The following KCNMA1 variants were observed in gnomAD, a reference collection of about 807,000 sequenced individuals.
KCNMA1 encodes the protein Calcium-activated potassium channel subunit alpha-1.
Under a neutral mutation model 140.0 loss-of-function variants are expected in KCNMA1, and 29 were observed. That is an observed-to-expected ratio of 0.21 (90% CI 0.15 to 0.28). The LOEUF (loss-of-function observed/expected upper bound fraction) is 0.28. Among genes scored for constraint, KCNMA1 ranks in the 10% least tolerant of loss-of-function variants. The pLI is 1.00. For missense variants in KCNMA1, 880 were observed against 1,602.2 expected, an observed-to-expected ratio of 0.55 and a Z score of 7.70; for synonymous variants, 612 against 611.9, an observed-to-expected ratio of 1.00 and a Z score of 0.00.
intron 1 of KCNMA1, among the ~76,000 whole-genome samples, chr10:77,627,402 C>T (rs1038454869): frequency 2.0e-5 from 3 of 152,120 alleles, no homozygotes; most frequent in African/African-American, 7.2e-5. Context: ...CAGTCAAAAG[C>T]CTCCAGTCAC....
intron 1 of KCNMA1, among the ~76,000 whole-genome samples, chr10:77,623,704 A>G (rs2091964707): frequency 6.9e-6 from 1 of 145,954 alleles, no homozygotes; most frequent in African/African-American, 2.6e-5. Flanking sequence ...CTCCGTCTCA[A>G]AAAAAAAAAA....
chr10:76,872,637 A>T (rs1288181311), downstream of KCNMA1: 1 of 152,154 alleles, frequency 6.6e-6, no homozygotes, highest in African/African-American at 2.4e-5. Context: ...ACATTCCTAC[A>T]AATACATCAT....
intron 9 of KCNMA1, among the ~76,000 whole-genome samples, chr10:77,102,621 T>G (rs2097125645): frequency 6.6e-6 from 1 of 152,208 alleles, no homozygotes; most frequent in African/African-American, 2.4e-5. Flanking sequence ...CAAGTGGGGC[T>G]TGCATAACCT....
At chr10:77,343,144 G>A (rs369646178) in intron 2 of KCNMA1, among the ~76,000 whole-genome samples, 50 of 152,234 alleles carry the variant, frequency 3.3e-4, no homozygotes, top group Non-Finnish European at 5.7e-4. Flanking sequence ...CATTGAGGCC[G>A]GGTTCTCAAG....
At chr10:77,288,636 CA>C (rs1479509982) in intron 2 of KCNMA1, among the ~76,000 whole-genome samples, 1 of 152,152 alleles carries the variant, frequency 6.6e-6, no homozygotes, top group Admixed American at 6.5e-5. Flanking sequence ...CCCAGCCAGC[CA>C]GGTGCAGAGG....
At chr10:77,412,719 C>G (rs57462018) in intron 1 of KCNMA1, among the ~76,000 whole-genome samples, 5,960 of 152,286 alleles carry the variant, frequency 0.039, 211 homozygotes, top group African/African-American at 0.096. Context: ...GAAATAAAAG[C>G]GCCTCTGCAT....
intron 1 of KCNMA1, among the ~76,000 whole-genome samples, chr10:77,417,557 T>C (rs959390021): frequency 6.6e-6 from 1 of 152,138 alleles, no homozygotes; most frequent in East Asian, 1.9e-4. Context: ...CCAAATGAGA[T>C]CAGATGACAT....
chr10:77,310,416 C>A (rs1015538380), intron 2 of KCNMA1, among the ~76,000 whole-genome samples: 1 of 152,220 alleles, frequency 6.6e-6, no homozygotes, highest in Non-Finnish European at 1.5e-5. Flanking sequence ...ACACATCTAA[C>A]AAGCATTCCT....
At chr10:76,955,687 G>A (rs1390722710) in intron 20 of KCNMA1, among the ~76,000 whole-genome samples, 2 of 152,180 alleles carry the variant, frequency 1.3e-5, no homozygotes, top group East Asian at 3.9e-4. Flanking sequence ...TAAAAAGGCT[G>A]ATAAGAACTA....
intron 1 of KCNMA1, among the ~76,000 whole-genome samples, chr10:77,602,044 A>G (rs2082825022): frequency 2.0e-5 from 3 of 152,174 alleles, no homozygotes; most frequent in African/African-American, 7.2e-5. Flanking sequence ...ACTGTCCTTT[A>G]TACTTTTCAC....
At chr10:77,367,239 G>C (rs936208842) in intron 2 of KCNMA1, among the ~76,000 whole-genome samples, 1 of 152,216 alleles carries the variant, frequency 6.6e-6, no homozygotes, top group Non-Finnish European at 1.5e-5. Flanking sequence ...AAACAAAGCA[G>C]AGAATATACA....
chr10:77,328,549 A>G (rs2085085946), intron 2 of KCNMA1, among the ~76,000 whole-genome samples: 1 of 152,246 alleles, frequency 6.6e-6, no homozygotes, highest in African/African-American at 2.4e-5. Context: ...GCGTAGCTTA[A>G]CTAAAATGTT....
At chr10:77,182,804 T>A (rs904152115) in intron 5 of KCNMA1, among the ~76,000 whole-genome samples, 5 of 152,092 alleles carry the variant, frequency 3.3e-5, no homozygotes, top group Non-Finnish European at 7.4e-5. Context: ...TCCATGACTA[T>A]CCTCTGGTCA....
At chr10:77,401,447 G>A (rs555170917) in intron 2 of KCNMA1, among the ~76,000 whole-genome samples, 1 of 152,230 alleles carries the variant, frequency 6.6e-6, no homozygotes, top group South Asian at 2.1e-4. Context: ...AAGCCACCAC[G>A]CCTGGCCCCA....
intron 1 of KCNMA1, among the ~76,000 whole-genome samples, chr10:77,492,883 A>G (rs570012690): frequency 6.6e-6 from 1 of 152,354 alleles, no homozygotes; most frequent in East Asian, 1.9e-4. Context: ...GCAATGTACT[A>G]AAGCATTCTG....
chr10:77,428,005 C>T lies in KCNMA1; in HGVS notation c.379-23982G>A, dbSNP rs556420819. On this transcript the variant is annotated intron_variant, in intron 1 of 27. Coordinates refer to ENST00000286628, the MANE Select transcript of KCNMA1 (RefSeq NM_001161352.2). ...TGACCTTGTAATCCACCTGCCTCGG[C>T]CTCCCAAAGTGCTGGGATTACAGGT... 1.1e-4 allele frequency among the ~76,000 whole-genome samples: 17 copies of T among 152,236 alleles called. No homozygotes were observed. The South Asian group carries it at 3.1e-3, about 28-fold the overall frequency.
intron 2 of KCNMA1, among the ~76,000 whole-genome samples, chr10:77,366,677 G>T (rs1315065191): frequency 2.0e-5 from 3 of 152,142 alleles, no homozygotes; most frequent in Non-Finnish European, 4.4e-5. Context: ...TATGATGGTG[G>T]TGGTGATGGA....
At chr10:77,330,749 T>C (rs1003245075) in intron 2 of KCNMA1, among the ~76,000 whole-genome samples, 4 of 152,082 alleles carry the variant, frequency 2.6e-5, no homozygotes, top group Non-Finnish European at 4.4e-5. Context: ...CAAAGTTTAG[T>C]GGGAAAAGCA....
intron 1 of KCNMA1, among the ~76,000 whole-genome samples, chr10:77,517,008 AAAC>A (rs750833506): frequency 1.8e-3 from 223 of 122,952 alleles, no homozygotes; most frequent in African/African-American, 4.4e-3. Context: ...AAAAAAAAAA[AAAC>A]AAAAGGTGAG....
Sources: gnomAD v4.1 joint callset for allele counts (sites outside exome capture counted in the v4.1 genomes callset) on GRCh38, gnomAD v4.1.1 for gene constraint, MANE v1.5 for transcripts, NCBI Gene and HGNC (gene_info 2026-07-23, HGNC 2026-07-21) for gene names.